CSMD1: variants seen among roughly 807,000 people sequenced by gnomAD.
CSMD1 encodes CUB and Sushi multiple domains 1, also known as CUB and sushi domain-containing protein 1.
A neutral mutation model predicts 417.5 loss-of-function variants in CSMD1; 213 were observed. That is an observed-to-expected ratio of 0.51 (90% CI 0.46 to 0.57). CSMD1 has a LOEUF of 0.57. CSMD1 is among the 20% of genes least tolerant of loss of function. The pLI is 0.00. For synonymous variants in CSMD1, 2,862 were observed against 1,736.8 expected (o/e 1.65, Z -16.11); for missense variants, 6,923 against 4,529.7 (o/e 1.53, Z -15.17).
intron 12 of CSMD1, among the ~76,000 whole-genome samples, chr8:3,429,369 A>G (rs1814062449): frequency 6.6e-6 from 1 of 152,210 alleles, no homozygotes; most frequent in South Asian, 2.1e-4. Flanking sequence ...AACTTTTTAA[A>G]AAGTTAAACA....
At chr8:4,920,373 A>C (rs1806355905) in intron 1 of CSMD1, among the ~76,000 whole-genome samples, 1 of 152,252 alleles carries the variant, frequency 6.6e-6, no homozygotes, top group Admixed American at 6.5e-5. Flanking sequence ...GAGAAAATGC[A>C]TATGGAAATG....
At chr8:3,842,354 C>G (rs1344448736) in intron 5 of CSMD1, among the ~76,000 whole-genome samples, 1 of 152,102 alleles carries the variant, frequency 6.6e-6, no homozygotes, top group Admixed American at 6.5e-5. Flanking sequence ...ATACCCATAT[C>G]AATACCACTA....
intron 3 of CSMD1, among the ~76,000 whole-genome samples, chr8:4,108,971 C>G (rs1162361812): frequency 6.6e-6 from 1 of 152,130 alleles, no homozygotes; most frequent in Non-Finnish European, 1.5e-5. Context: ...TTAGAAACTA[C>G]AGTTTTTCCG....
Position 3,839,293 on chromosome 8 carries a change from T to C in CSMD1, c.819-85251A>G, listed in dbSNP as rs1283969981. Among the ~76,000 whole-genome samples the C allele has an allele frequency of 4.8e-5, 6 of 124,130 alleles. No individual in the cohort carries two copies. In the East Asian group the frequency reaches 1.3e-3, roughly 27 times the overall value. The allele number at this position is 124,130 out of a possible 152,430, so 81.4% of individuals were successfully genotyped here. ...CTATTAATATATAATATTAATTATA[T>C]ATACTATTATATATACTATTAATAT... is the stretch of plus-strand genomic sequence containing the variant. On this transcript the variant is annotated intron_variant, in intron 5 of 69. Transcript: ENST00000635120.
Position 4,256,111 on chromosome 8 carries a change from C to G in CSMD1, c.415+163842G>C, listed in dbSNP as rs185612104. 5.3e-5 allele frequency among the ~76,000 whole-genome samples: 8 copies of G among 152,304 alleles called. No individual in the cohort carries two copies. In the East Asian group the frequency reaches 1.5e-3, roughly 29 times the overall value. On this transcript the variant is annotated intron_variant, in intron 3 of 69. Coordinates refer to ENST00000635120, the MANE Select transcript of CSMD1 (RefSeq NM_033225.6). ...GGTGAATCCCAGACTACTTTGCTCCCCTGCAAAATGCTTTCTGAGCAGTAC... is the reference window on the plus strand; with the variant it reads ...GGTGAATCCCAGACTACTTTGCTCCGCTGCAAAATGCTTTCTGAGCAGTAC...
intron 3 of CSMD1, among the ~76,000 whole-genome samples, chr8:4,302,102 G>A (rs1233823077): frequency 2.0e-5 from 3 of 152,114 alleles, no homozygotes; most frequent in African/African-American, 7.2e-5. Context: ...AGTTCATCAT[G>A]TTCATTATGT....
chr8:3,452,016 C>A (rs79436167), intron 12 of CSMD1, among the ~76,000 whole-genome samples: 1 of 152,048 alleles, frequency 6.6e-6, no homozygotes, highest in Non-Finnish European at 1.5e-5. Flanking sequence ...TAGTTCTCCT[C>A]GAAGAGGTCC....
chr8:4,328,799 A>C (rs970507940), intron 3 of CSMD1, among the ~76,000 whole-genome samples: 1 of 152,228 alleles, frequency 6.6e-6, no homozygotes, highest in African/African-American at 2.4e-5. Context: ...TCTTTGAAAT[A>C]AACTTCCAAA....
At chr8:3,066,103 C>T (rs960028833) in intron 49 of CSMD1, among the ~76,000 whole-genome samples, 2 of 152,172 alleles carry the variant, frequency 1.3e-5, no homozygotes, top group African/African-American at 4.8e-5. Context: ...TGCCAAAGGA[C>T]AATTCAAAGG....
At chr8:3,151,257 AG>A in intron 40 of CSMD1, 139 bp downstream of exon 40, 1 of 563,152 alleles carries the variant, frequency 1.8e-6, no homozygotes, top group Non-Finnish European at 3.2e-6. Context: ...ACTCTGCCAA[AG>A]CTTTATTTAA....
chr8:3,771,909 A>C (rs1563063300), intron 5 of CSMD1, among the ~76,000 whole-genome samples: 1 of 152,052 alleles, frequency 6.6e-6, no homozygotes, highest in African/African-American at 2.4e-5. Context: ...TATGAGCAGG[A>C]GAAAAATAGC....
At chr8:4,153,629 C>A (rs936381197) in intron 3 of CSMD1, among the ~76,000 whole-genome samples, 1 of 152,204 alleles carries the variant, frequency 6.6e-6, no homozygotes, top group Non-Finnish European at 1.5e-5. Context: ...CTCTCTTCAC[C>A]TTGCAAGGCA....
At chr8:4,451,298 C>G (rs1154071) in intron 2 of CSMD1, among the ~76,000 whole-genome samples, 125,569 of 152,140 alleles carry the variant, frequency 0.83, 51,831 homozygotes, top group Middle Eastern at 0.89. Context: ...ATGACTCCAT[C>G]AATCAACCAC....
At chr8:4,649,577 T>A (rs1247655533) in intron 1 of CSMD1, among the ~76,000 whole-genome samples, 5 of 152,216 alleles carry the variant, frequency 3.3e-5, no homozygotes, top group Non-Finnish European at 7.3e-5. Context: ...TTTCTGTCAT[T>A]TTCTGAAAAG....
In CSMD1 at chr8:3,449,990, C is replaced by G. The variant is rs62505626; in HGVS notation, c.1561+18722G>C. ...AGCGTTTTAAAGTGGAAAAGCCAGA[C>G]GGGAGAGAGGGTCACCAGCTCCTCC... On this transcript the variant is annotated intron_variant, in intron 12 of 69. Transcript: ENST00000635120. Among the ~76,000 whole-genome samples, 143 of 152,288 alleles carry G rather than the reference C, an allele frequency of 9.4e-4. 1 individual carries two copies. Among genetic ancestry groups the G allele is most frequent in the African/African-American group, 3.4e-3 (140 of 41,544 alleles).
chr8:3,822,146 C>G (rs565114186), intron 5 of CSMD1, among the ~76,000 whole-genome samples: 6 of 152,226 alleles, frequency 3.9e-5, no homozygotes, highest in Admixed American at 3.3e-4. Context: ...AAAGACGGAA[C>G]TTCTCCTTTC....
chr8:3,885,306 G>T (rs988907563), intron 5 of CSMD1, among the ~76,000 whole-genome samples: 2 of 152,082 alleles, frequency 1.3e-5, no homozygotes, highest in African/African-American at 2.4e-5. Flanking sequence ...GACCTTTTCA[G>T]GGGTTTGTCA....
intron 21 of CSMD1, among the ~76,000 whole-genome samples, chr8:3,357,764 C>G (rs889134635): frequency 1.3e-5 from 2 of 151,870 alleles, no homozygotes; most frequent in African/African-American, 4.9e-5. Context: ...CTGCAAAATA[C>G]CGTATTTTTT....
chr8:4,834,899 G>C (rs1353904584), intron 1 of CSMD1, among the ~76,000 whole-genome samples: 1 of 129,562 alleles, frequency 7.7e-6, no homozygotes, highest in African/African-American at 2.8e-5. Context: ...GGAGCTTGCA[G>C]TGATCTGAGA....
Sources: allele counts gnomAD v4.1 joint callset (sites outside exome capture counted in the v4.1 genomes callset), GRCh38; gene constraint gnomAD v4.1.1; transcripts MANE v1.5; gene names NCBI Gene and HGNC (gene_info 2026-07-23, HGNC 2026-07-21).